Variants in GNE observed in about 807,000 individuals in gnomAD.
GNE encodes the protein glucosamine (UDP-N-acetyl)-2-epimerase/N-acetylmannosamine kinase.
In GNE, 41 loss-of-function variants were observed where a neutral mutation model predicts 61.8. The observed-to-expected ratio is 0.66, with a 90% confidence interval of 0.52 to 0.86. The LOEUF is 0.86. Among genes scored for constraint, GNE ranks in the 40% least tolerant of loss-of-function variants. The pLI is 0.00. For synonymous variants in GNE, 264 were observed against 326.4 expected (o/e 0.81, Z 2.06); for missense variants, 608 against 909.1 (o/e 0.67, Z 4.26).
At chr9:36,266,857 C>G (rs1001113401) in intron 1 of GNE, among the ~76,000 whole-genome samples, 1 of 151,418 alleles carries the variant, frequency 6.6e-6, no homozygotes, top group Non-Finnish European at 1.5e-5. Flanking sequence ...TGCAGTGAGC[C>G]GAGATGGCGC....
At chr9:36,222,245 C>T (rs1412225886) in intron 9 of GNE, among the ~76,000 whole-genome samples, 8 of 151,836 alleles carry the variant, frequency 5.3e-5, no homozygotes, top group African/African-American at 1.7e-4. Context: ...GGTGAAACCC[C>T]GTCTCTACTA....
Position 36,238,521 on chromosome 9 carries a change from A to G in GNE, c.617-1537T>C, listed in dbSNP as rs140526263. On this transcript the variant is annotated intron_variant, in intron 3 of 11. Coordinates refer to ENST00000642385, the MANE Select transcript of GNE (RefSeq NM_005476.7). Reference sequence around the variant, plus strand: ...TTAGTGATGTTCAGCATTTTTTCATATGTTTGTTGGCCATTTGTATATTTT... The same window carrying G: ...TTAGTGATGTTCAGCATTTTTTCATGTGTTTGTTGGCCATTTGTATATTTT... 6.7e-3 allele frequency among the ~76,000 whole-genome samples: 1,023 copies of G among 152,142 alleles called. 15 individuals are homozygous for G. Among genetic ancestry groups the G allele is most frequent in the African/African-American group, 0.022 (932 of 41,518 alleles).
At chr9:36,263,543 T>C (rs1830676977) in intron 1 of GNE, 1 of 152,976 alleles carries the variant, frequency 6.5e-6, no homozygotes, top group African/African-American at 2.4e-5. Context: ...CCCACATCTC[T>C]CTGAATGGCT....
At chr9:36,223,254 C>A in intron 8 of GNE, 119 bp downstream of exon 8, 1 of 982,844 alleles carries the variant, frequency 1.0e-6, no homozygotes, top group Non-Finnish European at 1.6e-6. Flanking sequence ...CCACAGACAG[C>A]ACCTAGAGCC....
intron 1 of GNE, among the ~76,000 whole-genome samples, chr9:36,265,792 A>C (rs984217889): frequency 2.0e-5 from 3 of 152,196 alleles, no homozygotes; most frequent in Non-Finnish European, 4.4e-5. Flanking sequence ...CTAGGTCCCT[A>C]GCATGCGCCG....
At chr9:36,230,063 C>T (rs568966837) in intron 5 of GNE, among the ~76,000 whole-genome samples, 33 of 152,302 alleles carry the variant, frequency 2.2e-4, no homozygotes, top group Non-Finnish European at 4.6e-4. Flanking sequence ...TCTCCTGCCT[C>T]AGCCTCCTGA....
At chr9:36,260,868 C>CA (rs745821430), upstream of GNE, among the ~76,000 whole-genome samples, 2,447 of 95,816 alleles carry the variant, frequency 0.026, 90 homozygotes, top group Middle Eastern at 0.048. Context: ...GACTCTATCT[C>CA]AAAAAAAAAA....
chr9:36,227,598 G>A (rs1056062465), intron 6 of GNE, 140 bp from the exon 7 acceptor site: 4 of 684,356 alleles, frequency 5.8e-6, no homozygotes, highest in African/African-American at 5.3e-5. Flanking sequence ...TTCCTGCCGT[G>A]CACAGTGGCT....
intron 1 of GNE, among the ~76,000 whole-genome samples, chr9:36,256,763 T>C (rs1427357600): frequency 6.6e-6 from 1 of 152,202 alleles, no homozygotes; most frequent in Non-Finnish European, 1.5e-5. Context: ...CAGTAAACAT[T>C]TGCTGAGCGC....
At chr9:36,246,539 C>A in intron 2 of GNE, 57 bp from the exon 3 acceptor site, 2 of 1,267,718 alleles carry the variant, frequency 1.6e-6, no homozygotes, top group East Asian at 2.3e-5. Flanking sequence ...AGAGCCGTAA[C>A]ATGCAAGAAA....
At chr9:36,275,243 A>G (rs1010961343) in intron 1 of GNE, among the ~76,000 whole-genome samples, 5 of 152,114 alleles carry the variant, frequency 3.3e-5, no homozygotes, top group African/African-American at 1.2e-4. Flanking sequence ...ACCTACTAGG[A>G]TCTTAGGAGG....
At position 36,218,117 on chromosome 9, in the gene GNE, CGGGCT is replaced by C; in HGVS notation, c.1933+61_1933+65del. 9.5e-7 allele frequency: 1 copy of C among 1,050,410 alleles called. No homozygotes were observed. The highest frequency in any genetic ancestry group is 2.4e-5 in the East Asian group (1 of 42,406). The allele number at this position is 1,050,410 out of a possible 1,614,324, so 65.1% of individuals were successfully genotyped here. A position where few individuals can be genotyped will look rare whatever the true frequency, so the allele number is the denominator to read the frequency against. ...AGGGAAGCAGGGTCTCTTCTGGGGC[CGGGCT>C]GGGCCATATGATATCTGAGGCCACC... On this transcript the variant is annotated intron_variant, in intron 11 of 11. Coordinates refer to ENST00000642385, the MANE Select transcript of GNE (RefSeq NM_005476.7). This position sits in a 1 kb window ranked among gnomAD's most constrained non-coding sequence, Gnocchi z 4.1.
At position 36,258,376 on chromosome 9, in the gene GNE, C is replaced by T. The variant is rs912786638; in HGVS notation, c.-98G>A. On this transcript the variant is annotated 5_prime_UTR_variant, in exon 1 of 12. Coordinates refer to ENST00000642385, the MANE Select transcript of GNE (RefSeq NM_005476.7). Reference sequence around the variant, plus strand: ...GCCACCGCGCTCCTCGGGCGAGGGACGAACCAAGCGCCACGAAGCAGGCAG... The same window carrying T: ...GCCACCGCGCTCCTCGGGCGAGGGATGAACCAAGCGCCACGAAGCAGGCAG... 2 of 985,452 alleles carry T rather than the reference C, an allele frequency of 2.0e-6. No homozygotes were observed. Among genetic ancestry groups the T allele is most frequent in the African/African-American group, 1.7e-5 (1 of 57,256 alleles). 61.0% of individuals were successfully genotyped at this position (985,452 alleles called of 1,614,324 possible). A position where few individuals can be genotyped will look rare whatever the true frequency, so the allele number is the denominator to read the frequency against.
upstream of GNE, chr9:36,258,525 C>G: frequency 1.0e-6 from 1 of 985,488 alleles, no homozygotes; most frequent in Non-Finnish European, 1.2e-6. Flanking sequence ...CGCGATCGCG[C>G]CCTGACGCCA....
At chr9:36,256,096 T>C (rs1830320948) in intron 1 of GNE, among the ~76,000 whole-genome samples, 1 of 151,952 alleles carries the variant, frequency 6.6e-6, no homozygotes, top group African/African-American at 2.4e-5. Flanking sequence ...AGCTAATTTT[T>C]TTGTATTTTT....
chr9:36,225,975 A>G (rs1828847226), intron 7 of GNE, among the ~76,000 whole-genome samples: 3 of 152,078 alleles, frequency 2.0e-5, no homozygotes. Context: ...GTTTTACCCT[A>G]TCAATAATCT....
chr9:36,251,838 A>C (rs1467523877), intron 1 of GNE, among the ~76,000 whole-genome samples: 1 of 152,114 alleles, frequency 6.6e-6, no homozygotes, highest in Non-Finnish European at 1.5e-5. Flanking sequence ...AAATTCTGTG[A>C]CCATGCAAAC....
chr9:36,234,176 A>G (rs1020512893), intron 4 of GNE, 44 bp from the exon 5 acceptor site: 9 of 1,470,602 alleles, frequency 6.1e-6, no homozygotes, highest in African/African-American at 1.4e-5. Flanking sequence ...TTTGTGAGAT[A>G]AAGAAACCAT....
At chr9:36,239,542 G>A (rs951055672) in intron 3 of GNE, among the ~76,000 whole-genome samples, 7 of 151,124 alleles carry the variant, frequency 4.6e-5, no homozygotes, top group South Asian at 2.1e-4. Flanking sequence ...GTGCGATCTC[G>A]GCTCACTGCA....
Sources: gnomAD v4.1 joint callset for allele counts (sites outside exome capture counted in the v4.1 genomes callset) on GRCh38, gnomAD v4.1.1 for gene constraint, Gnocchi (gnomAD v3.1) non-coding constraint, MANE v1.5 for transcripts, NCBI Gene and HGNC (gene_info 2026-07-23, HGNC 2026-07-21) for gene names.